The following RASSF3 variants were observed in gnomAD, a reference collection of about 807,000 sequenced individuals.
The protein encoded by RASSF3 is ras association domain-containing protein 3.
RASSF3 carries 19 observed loss-of-function variants against 19.9 expected under a neutral mutation model. The ratio of observed to expected loss-of-function variants is 0.96; its 90% CI spans 0.67 to 1.40. RASSF3 has a LOEUF of 1.40. Ranked by LOEUF, RASSF3 falls within the 40% of genes most tolerant of loss-of-function variation. The probability of loss-of-function intolerance (pLI) is 0.00; values close to 1 mark genes in which losing one functional copy is unlikely to be tolerated. For missense variants in RASSF3, 306 were observed against 289.8 expected, an observed-to-expected ratio of 1.06 and a Z score of -0.41; for synonymous variants, 110 against 104.2, an observed-to-expected ratio of 1.06 and a Z score of -0.34.
intron 1 of RASSF3, among the ~76,000 whole-genome samples, chr12:64,516,618 C>CAAAAAAAAAAAAAAAAAAAAAA (rs200931603): frequency 9.2e-6 from 1 of 109,120 alleles, no homozygotes; most frequent in African/African-American, 3.3e-5. Context: ...GACTCCGTCT[C>CAAAAAAAAAAAAAAAAAAAAAA]AAAAAAAAAA....
In RASSF3 at chr12:64,534,799, C is replaced by T. The variant is rs73315577; in HGVS notation, c.67+1465C>T. ...TGCTTGTTTGTGGATAGCGAGATGC[C>T]TGTCTTCATGCTAAGCTATGGAAAA... On this transcript the variant is annotated intron_variant, in intron 1 of 1. Transcript: ENST00000636333. 2.2e-3 allele frequency among the ~76,000 whole-genome samples: 331 copies of T among 152,274 alleles called. 1 individual carries two copies. Among genetic ancestry groups the T allele is most frequent in the African/African-American group, 7.6e-3 (317 of 41,554 alleles).
intron 1 of RASSF3, among the ~76,000 whole-genome samples, chr12:64,621,558 A>G (rs550312359): frequency 6.6e-6 from 1 of 151,996 alleles, no homozygotes; most frequent in Non-Finnish European, 1.5e-5. Flanking sequence ...GCTCACTGCA[A>G]CCTCCGCCTC....
At position 64,538,975 on chromosome 12, in the gene RASSF3, G is replaced by T. The variant is rs550979358; in HGVS notation, c.68-2606G>T. On this transcript the variant is annotated intron_variant, in intron 1 of 1. Transcript: ENST00000636333. ...TCAGGAGAATCACTTGAACCTGGGA[G>T]GTGGAGGTTGCAGTGAGCCGACATC... 1.1e-4 allele frequency among the ~76,000 whole-genome samples: 17 copies of T among 152,256 alleles called. 1 individual carries two copies. Among genetic ancestry groups the T allele is most frequent in the African/African-American group, 4.1e-4 (17 of 41,520 alleles).
intron 1 of RASSF3, chr12:64,611,314 G>A (rs1870356798): frequency 6.6e-6 from 1 of 152,330 alleles, no homozygotes; most frequent in Non-Finnish European, 1.5e-5. Flanking sequence ...CGGGACTCAG[G>A]GTTGTGCGTT....
chr12:64,576,135 G>A (rs1869592128), intron 2 of RASSF3, among the ~76,000 whole-genome samples: 1 of 152,086 alleles, frequency 6.6e-6, no homozygotes, highest in African/African-American at 2.4e-5. Context: ...AGACAAAAAT[G>A]GGAGGATTTT....
intron 1 of RASSF3, among the ~76,000 whole-genome samples, chr12:64,682,991 T>G (rs1273732165): frequency 6.6e-6 from 1 of 152,196 alleles, no homozygotes; most frequent in Non-Finnish European, 1.5e-5. Flanking sequence ...AAGACCTGGA[T>G]TAAAGTGGAA....
chr12:64,630,900 C>G (rs1871148563), intron 1 of RASSF3, among the ~76,000 whole-genome samples: 1 of 152,006 alleles, frequency 6.6e-6, no homozygotes, highest in Admixed American at 6.6e-5. Flanking sequence ...TTCAGGCAAT[C>G]AATATATGGC....
chr12:64,581,330 T>C (rs1256189386), intron 2 of RASSF3, among the ~76,000 whole-genome samples: 2 of 152,226 alleles, frequency 1.3e-5, no homozygotes, highest in African/African-American at 4.8e-5. Flanking sequence ...ACGTAGCTTA[T>C]AAGGGACCTA....
chr12:64,567,405 C>G (rs565599841), intron 2 of RASSF3, among the ~76,000 whole-genome samples: 1 of 152,316 alleles, frequency 6.6e-6, no homozygotes, highest in East Asian at 1.9e-4. Flanking sequence ...TCCCCAGCCT[C>G]CCTTGTGTTA....
At chr12:64,687,450 T>G (rs1873402189) in intron 2 of RASSF3, among the ~76,000 whole-genome samples, 1 of 151,874 alleles carries the variant, frequency 6.6e-6, no homozygotes, top group Non-Finnish European at 1.5e-5. Flanking sequence ...TTGAATTTGT[T>G]TTTTTTTGTT....
chr12:64,622,524 G>A (rs1209102615), intron 1 of RASSF3: 2 of 529,154 alleles, frequency 3.8e-6, no homozygotes, highest in South Asian at 1.4e-5. Context: ...GCATCTATTA[G>A]GTTGGTGCAA....
At chr12:64,681,061 C>T (rs755008002) in intron 1 of RASSF3, among the ~76,000 whole-genome samples, 1 of 152,148 alleles carries the variant, frequency 6.6e-6, no homozygotes, top group African/African-American at 2.4e-5. Context: ...TCTGCCTGTG[C>T]GAAGGGGCCT....
chr12:64,607,945 T>G (rs1237603667), upstream of RASSF3, among the ~76,000 whole-genome samples: 3 of 151,832 alleles, frequency 2.0e-5, no homozygotes, highest in African/African-American at 7.3e-5. Context: ...TTTGTTTTTG[T>G]TTTTGTAGAG....
chr12:64,541,491 C>T (rs1267715043), intron 1 of RASSF3: 4 of 396,468 alleles, frequency 1.0e-5, no homozygotes, highest in Non-Finnish European at 1.8e-5. Context: ...GCTTTTTGAG[C>T]AGGGGAGGGG....
intron 1 of RASSF3, among the ~76,000 whole-genome samples, chr12:64,665,959 T>C (rs186700977): frequency 1.1e-4 from 17 of 152,376 alleles, no homozygotes; most frequent in Non-Finnish European, 1.5e-4. Context: ...CTATGTGTTC[T>C]CAGTTACTCT....
chr12:64,684,001 AGAGAGAGAGTGAGTGTGT>A (rs1394862083), intron 1 of RASSF3, among the ~76,000 whole-genome samples: 5 of 113,896 alleles, frequency 4.4e-5, no homozygotes, highest in East Asian at 2.3e-4. Flanking sequence ...AGAGAGAGAG[AGAGAGAGAGTGAGTGTGT>A]GTGTGTGTGT....
intron 1 of RASSF3, among the ~76,000 whole-genome samples, chr12:64,656,745 A>C (rs995104898): frequency 6.6e-6 from 1 of 152,210 alleles, no homozygotes; most frequent in Non-Finnish European, 1.5e-5. Flanking sequence ...GTCTGATGGA[A>C]TATCTGGGAT....
chr12:64,644,235 G>T (rs7296498), intron 1 of RASSF3, among the ~76,000 whole-genome samples: 3 of 152,066 alleles, frequency 2.0e-5, no homozygotes, highest in Non-Finnish European at 4.4e-5. Flanking sequence ...TGCCTAACCT[G>T]TCAAAACTGT....
intron 2 of RASSF3, among the ~76,000 whole-genome samples, chr12:64,603,186 G>A (rs1392253759): frequency 6.6e-6 from 1 of 151,798 alleles, no homozygotes; most frequent in African/African-American, 2.4e-5. Context: ...TGTTGTTGTT[G>A]TTTGTTTCTT....
Sources: gnomAD v4.1 joint callset for allele counts (sites outside exome capture counted in the v4.1 genomes callset) on GRCh38, gnomAD v4.1.1 for gene constraint, MANE v1.5 for transcripts, NCBI Gene and HGNC (gene_info 2026-07-23, HGNC 2026-07-21) for gene names.